The following ZSCAN31 variants were observed in gnomAD, a reference collection of about 807,000 sequenced individuals.
ZSCAN31 encodes the protein zinc finger and SCAN domain containing 31, also known as zinc finger and SCAN domain-containing protein 31.
ZSCAN31 carries 14 observed loss-of-function variants against 22.5 expected under a neutral mutation model. The observed-to-expected ratio is 0.62, with a 90% CI of 0.41 to 0.97. The LOEUF is 0.97. Ranked by LOEUF, ZSCAN31 falls within the 50% of genes least tolerant of loss-of-function variation. The pLI, the probability that ZSCAN31 is intolerant of heterozygous loss-of-function variation, is 0.00. For missense variants in ZSCAN31, 424 were observed against 483.4 expected, an observed-to-expected ratio of 0.88 and a Z score of 1.15; for synonymous variants, 168 against 169.8, an observed-to-expected ratio of 0.99 and a Z score of 0.08.
At position 28,328,920 on chromosome 6, in the gene ZSCAN31, G is replaced by A. The variant is rs563263179; in HGVS notation, c.381+383C>T. On this transcript the variant is annotated intron_variant, in intron 2 of 3. Transcript: ENST00000344279. ...CTCCATTTGGGGTCCCTGACTTCCC[G>A]CAACAAAAAAGCACTGTGGCTTTTT... Among the ~76,000 whole-genome samples the A allele has an allele frequency of 4.6e-5, 7 of 152,172 alleles. No individual in the cohort carries two copies. The East Asian group carries it at 9.7e-4, about 21-fold the overall frequency.
chr6:28,355,866 C>A (rs1226269207), upstream of ZSCAN31, among the ~76,000 whole-genome samples: 1 of 152,200 alleles, frequency 6.6e-6, no homozygotes, highest in African/African-American at 2.4e-5. Context: ...ACAGTGGCAC[C>A]ATCCCAGTTC....
chr6:28,354,013 G>A, intron 1 of ZSCAN31: 3 of 451,608 alleles, frequency 6.6e-6, no homozygotes, highest in Non-Finnish European at 1.3e-5. Flanking sequence ...CACACTGTCT[G>A]CCTCTGTCTC....
At chr6:28,352,458 G>T (rs976488856) in intron 2 of ZSCAN31, among the ~76,000 whole-genome samples, 1 of 151,798 alleles carries the variant, frequency 6.6e-6, no homozygotes, top group Admixed American at 6.6e-5. Context: ...TCGTCATATG[G>T]GCCAGGCTGT....
rs9468350 is a variant in ZSCAN31 at position 28,351,330 on chromosome 6, A to G, written c.-371+2532T>C. Among the ~76,000 whole-genome samples the G allele has an allele frequency of 0.31, 46,797 of 151,868 alleles. 9,144 individuals are homozygous for G. The highest frequency in any genetic ancestry group is 0.56 in the African/African-American group (22,978 of 41,352). On this transcript the variant is annotated intron_variant, in intron 2 of 7. Coordinates refer to the ZSCAN31 transcript ENST00000396838. The surrounding 1 kb of genome is among the most constrained non-coding windows in gnomAD (Gnocchi z 4.6). ...CTGCCATAGACTTCCTCCCTTCCCCACCGTGGACACCCTCCTCATTCCACT... is the reference window on the plus strand; with the variant it reads ...CTGCCATAGACTTCCTCCCTTCCCCGCCGTGGACACCCTCCTCATTCCACT...
Position 28,331,945 on chromosome 6 carries a change from T to C in ZSCAN31, c.-95-2167A>G, listed in dbSNP as rs766964932. 3.3e-5 allele frequency among the ~76,000 whole-genome samples: 5 copies of C among 152,228 alleles called. No individual in the cohort carries two copies. Among genetic ancestry groups the C allele is most frequent in the Non-Finnish European group, 7.3e-5 (5 of 68,036 alleles). ...GGTGCTTAGGATTTACCTCCTGGTC[T>C]TATGCCACCATGAACTGTCTTTATC... On this transcript the variant is annotated intron_variant, in intron 1 of 3. Transcript: ENST00000344279. This position sits in a 1 kb window ranked among gnomAD's most constrained non-coding sequence, Gnocchi z 4.8.
At position 28,349,952 on chromosome 6, in the gene ZSCAN31, T is replaced by A. The variant is rs1477224906; in HGVS notation, c.-371+3910A>T. ...CCCCGCCCTGCGGGTGGTTTGCTAG[T>A]TTCAAGCACTTTGTGAGTATGGGGT... On this transcript the variant is annotated intron_variant, in intron 2 of 7. Coordinates refer to the ZSCAN31 transcript ENST00000396838. The surrounding 1 kb of genome is among the most constrained non-coding windows in gnomAD (Gnocchi z 4.1). 1 of 152,142 alleles carries A rather than the reference T, an allele frequency of 6.6e-6. No homozygotes were observed. Among genetic ancestry groups the A allele is most frequent in the East Asian group, 1.9e-4 (1 of 5,182 alleles). The allele number at this position is 152,142 out of a possible 1,614,324, so 9.4% of individuals were successfully genotyped here.
rs147772082 is a variant in ZSCAN31 at position 28,352,477 on chromosome 6, T to A, written c.-371+1385A>T. Among the ~76,000 whole-genome samples, 22 of 152,202 alleles carry A rather than the reference T, an allele frequency of 1.4e-4. 1 individual carries two copies. In the East Asian group the frequency reaches 4.3e-3, roughly 29 times the overall value. ...CATATGGGCCAGGCTGTTCTTGAAC[T>A]CCTGACCCCAGGAAATCTGCCTCAG... is the stretch of plus-strand genomic sequence containing the variant. On this transcript the variant is annotated intron_variant, in intron 2 of 7. Transcript: ENST00000396838.
At chr6:28,344,860 T>C (rs915847038) in intron 2 of ZSCAN31, among the ~76,000 whole-genome samples, 1 of 151,864 alleles carries the variant, frequency 6.6e-6, no homozygotes. Flanking sequence ...CCAGACATGG[T>C]GGCTCACGCC....
chr6:28,343,724 T>C (rs1764522964), intron 2 of ZSCAN31, among the ~76,000 whole-genome samples: 1 of 151,942 alleles, frequency 6.6e-6, no homozygotes, highest in Non-Finnish European at 1.5e-5. Context: ...GAAACGGGGT[T>C]TCACCGTGTT....
rs1763722555 is a variant in ZSCAN31 at position 28,331,311 on chromosome 6, T to TATGATC, written c.-95-1534_-95-1533insGATCAT. On this transcript the variant is annotated intron_variant, in intron 1 of 3. Transcript: ENST00000344279. The surrounding 1 kb of genome is among the most constrained non-coding windows in gnomAD (Gnocchi z 4.8). ...GACTTTAGTGGTGTAATTTAAGTTT[T>TATGATC]ATATGATTTTTGCCCAATGCTAATT... Among the ~76,000 whole-genome samples, 2 of 152,346 alleles carry TATGATC rather than the reference T, an allele frequency of 1.3e-5. No homozygotes were observed. Among genetic ancestry groups the TATGATC allele is most frequent in the Non-Finnish European group, 2.9e-5 (2 of 68,022 alleles).
intron 1 of ZSCAN31, among the ~76,000 whole-genome samples, chr6:28,330,902 AT>A (rs1201217159): frequency 6.6e-6 from 1 of 152,212 alleles, no homozygotes; most frequent in African/African-American, 2.4e-5. Context: ...ATGAAAAGGA[AT>A]TTATCAGGCA....
intron 2 of ZSCAN31, among the ~76,000 whole-genome samples, chr6:28,345,986 A>G (rs907987208): frequency 1.3e-5 from 2 of 152,238 alleles, no homozygotes; most frequent in African/African-American, 2.4e-5. Context: ...AGGTAGAAGT[A>G]GCTCTGAATT....
chr6:28,326,742 C>T lies in ZSCAN31; in HGVS notation c.645G>A (p.Lys215=), dbSNP rs1330110980. Residue 215 remains lysine (K), a synonymous_variant, in exon 4 of 4, where the codon AAG becomes AAA. Transcript: ENST00000344279. The part of the protein sequence containing the change: ...KLQRDVSLDS[K]YRETCKRDSK... ...TGTCTCGTTTACAAGTTTCTCTGTA[C>T]TTAGAATCCAAAGATACATCTCTTT... is the stretch of plus-strand genomic sequence containing the variant. 6.2e-7 allele frequency: 1 copy of T among 1,614,072 alleles called. No individual in the cohort carries two copies. Among genetic ancestry groups the T allele is most frequent in the South Asian group, 1.1e-5 (1 of 91,086 alleles).
At chr6:28,344,478 T>G (rs1764554587) in intron 2 of ZSCAN31, among the ~76,000 whole-genome samples, 1 of 152,220 alleles carries the variant, frequency 6.6e-6, no homozygotes, top group Non-Finnish European at 1.5e-5. Context: ...GTCATCCATC[T>G]CAACCACACT....
Position 28,327,412 on chromosome 6 carries a change from G to T in ZSCAN31, c.503C>A (p.Ser168Tyr). The T allele has an allele frequency of 6.2e-7, 1 of 1,614,054 alleles. No homozygotes were observed. The highest frequency in any genetic ancestry group is 8.5e-7 in the Non-Finnish European group (1 of 1,180,006). ...TTCTTGAAATTGGTGGAGGCAAAAA[G>T]ATTCATATCTGAGCTGTGTCACCAT... ...QPMVTQLRYE[S>Y]FCLHQFQEQD... is the part of the protein sequence containing the mutation. Residue 168 changes from serine (S) to tyrosine (Y), a missense_variant, in exon 3 of 4, where the codon TCT becomes TAT. Physicochemically the swap from Ser to Tyr is moderately radical, Grantham distance 144. Coordinates refer to ENST00000344279, the MANE Select transcript of ZSCAN31 (RefSeq NM_030899.5).
In ZSCAN31 at chr6:28,327,371, C is replaced by T; in HGVS notation, c.532+12G>A. On this transcript the variant is annotated intron_variant, in intron 3 of 3. Transcript: ENST00000344279. ...CCAGAGATCTCCTGAAGGGACCTGTCAAAATCCTTACCTTGTTCTTGAAAT... is the reference window on the plus strand; with the variant it reads ...CCAGAGATCTCCTGAAGGGACCTGTTAAAATCCTTACCTTGTTCTTGAAAT... 2 of 1,613,820 alleles carry T rather than the reference C, an allele frequency of 1.2e-6. No homozygotes were observed. Among genetic ancestry groups the T allele is most frequent in the Non-Finnish European group, 1.7e-6 (2 of 1,179,888 alleles).
At chr6:28,327,988 T>C (rs1212079478) in intron 2 of ZSCAN31, among the ~76,000 whole-genome samples, 2 of 152,174 alleles carry the variant, frequency 1.3e-5, no homozygotes, top group Admixed American at 6.5e-5. Context: ...AGACATCACA[T>C]GTCAGTAGGT....
rs373043920 is a variant in ZSCAN31 at position 28,329,533 on chromosome 6, G to A, written c.151C>T (p.Pro51Ser). ...LFRQFCYQET[P>S]GPREALSRLR... Reference sequence around the variant, plus strand: ...CGGCTCAGAGCTTCTCGGGGACCAGGAGTCTCTTGGTAACAAAACTGCCTA... The same window carrying A: ...CGGCTCAGAGCTTCTCGGGGACCAGAAGTCTCTTGGTAACAAAACTGCCTA... The change falls in exon 2 of 4, where the codon CCT (proline) becomes TCT (serine). Residue 51 changes from proline (P) to serine (S), a missense_variant. Physicochemically the swap from Pro to Ser is moderately conservative, Grantham distance 74 (BLOSUM62 -1). Coordinates refer to ENST00000344279, the MANE Select transcript of ZSCAN31 (RefSeq NM_030899.5). 23 of 1,614,120 alleles carry A rather than the reference G, an allele frequency of 1.4e-5. No homozygotes were observed. In the Middle Eastern group the frequency reaches 8.2e-4, roughly 58 times the overall value.
In ZSCAN31 at chr6:28,351,524, T is replaced by G. The variant is rs982096216; in HGVS notation, c.-371+2338A>C. ...ACACATTTAATTGTAGAGAGAATGT[T>G]ACAATGAACACCAATATAACCATGA... is the stretch of plus-strand genomic sequence containing the variant. On this transcript the variant is annotated intron_variant, in intron 2 of 7. Coordinates refer to the ZSCAN31 transcript ENST00000396838. This position sits in a 1 kb window ranked among gnomAD's most constrained non-coding sequence, Gnocchi z 4.6. Among the ~76,000 whole-genome samples, 1 of 152,248 alleles carries G rather than the reference T, an allele frequency of 6.6e-6. No homozygotes were observed. The highest frequency in any genetic ancestry group is 2.4e-5 in the African/African-American group (1 of 41,462).
Sources: gnomAD v4.1 joint callset for allele counts (sites outside exome capture counted in the v4.1 genomes callset) on GRCh38, gnomAD v4.1.1 for gene constraint, Gnocchi (gnomAD v3.1) non-coding constraint, MANE v1.5 for transcripts, NCBI Gene and HGNC (gene_info 2026-07-23, HGNC 2026-07-21) for gene names.